The following RARB variants were observed in gnomAD, a reference collection of about 807,000 sequenced individuals.
RARB encodes the protein retinoic acid receptor beta.
In RARB, 17 loss-of-function variants were observed where a neutral mutation model predicts 51.9. The observed-to-expected ratio is 0.33, with a 90% CI of 0.22 to 0.49. The LOEUF is 0.49. RARB is among the 20% of genes least tolerant of loss of function. The probability of loss-of-function intolerance (pLI) is 0.99; values close to 1 mark genes in which losing one functional copy is unlikely to be tolerated. For missense variants in RARB, 369 were observed against 550.8 expected, an observed-to-expected ratio of 0.67 and a Z score of 3.30; for synonymous variants, 215 against 195.4, an observed-to-expected ratio of 1.10 and a Z score of -0.84.
chr3:25,575,807 A>G (rs1229080953), intron 4 of RARB, among the ~76,000 whole-genome samples: 1 of 152,252 alleles, frequency 6.6e-6, no homozygotes, highest in African/African-American at 2.4e-5. Context: ...TACTCGGGCT[A>G]GGATTTCAAC....
intron 1 of RARB, among the ~76,000 whole-genome samples, chr3:25,433,250 A>G (rs1708280269): frequency 6.6e-6 from 1 of 152,064 alleles, no homozygotes; most frequent in Non-Finnish European, 1.5e-5. Flanking sequence ...TTCCCACATA[A>G]ATCATTGAAA....
chr3:25,346,844 TG>T (rs1162981413), intron 5 of RARB, among the ~76,000 whole-genome samples: 2 of 151,926 alleles, frequency 1.3e-5, no homozygotes, highest in African/African-American at 4.8e-5. Flanking sequence ...GAGGGCCTAT[TG>T]GGGGATCTAC....
At chr3:24,896,343 T>C (rs781324746) in intron 2 of RARB, among the ~76,000 whole-genome samples, 1 of 152,158 alleles carries the variant, frequency 6.6e-6, no homozygotes, top group Non-Finnish European at 1.5e-5. Context: ...CACTGCAACC[T>C]CTGTCTTCCA....
At chr3:25,109,945 G>T (rs1699572132) in intron 3 of RARB, among the ~76,000 whole-genome samples, 1 of 152,234 alleles carries the variant, frequency 6.6e-6, no homozygotes, top group Middle Eastern at 3.4e-3. Context: ...TCATCCCTTT[G>T]CTTCCCATCT....
At chr3:25,278,927 T>C (rs1703456743) in intron 5 of RARB, among the ~76,000 whole-genome samples, 1 of 152,196 alleles carries the variant, frequency 6.6e-6, no homozygotes, top group East Asian at 1.9e-4. Context: ...TTAGTTTCTT[T>C]AGTCCCTGTA....
At chr3:25,176,474 C>T (rs1266263424) in intron 5 of RARB, among the ~76,000 whole-genome samples, 1 of 150,802 alleles carries the variant, frequency 6.6e-6, no homozygotes, top group East Asian at 1.9e-4. Context: ...TGACTCACTG[C>T]AACCTCCACC....
intron 2 of RARB, among the ~76,000 whole-genome samples, chr3:24,928,298 T>C (rs546154414): frequency 3.9e-5 from 6 of 152,076 alleles, no homozygotes; most frequent in African/African-American, 1.4e-4. Context: ...ATGCCTTTTG[T>C]ACCAAAAGTG....
intron 1 of RARB, among the ~76,000 whole-genome samples, chr3:25,453,475 G>A (rs981712300): frequency 3.3e-5 from 5 of 151,882 alleles, no homozygotes; most frequent in African/African-American, 7.3e-5. Context: ...TTGAACTCCC[G>A]ACCTCAGGTG....
chr3:25,583,245 C>G (rs912656157), intron 5 of RARB, among the ~76,000 whole-genome samples: 3 of 152,216 alleles, frequency 2.0e-5, no homozygotes, highest in African/African-American at 7.2e-5. Flanking sequence ...GTTCAAAGAG[C>G]ATATTTTGAA....
At chr3:25,579,930 A>G (rs1315656142) in intron 4 of RARB, among the ~76,000 whole-genome samples, 4 of 152,200 alleles carry the variant, frequency 2.6e-5, no homozygotes, top group African/African-American at 4.8e-5. Flanking sequence ...CTGATGGTCA[A>G]TGCTTAGAGC....
intron 2 of RARB, among the ~76,000 whole-genome samples, chr3:24,875,186 TTTC>T (rs60114043): frequency 8.6e-4 from 131 of 152,290 alleles, no homozygotes; most frequent in African/African-American, 2.9e-3. Flanking sequence ...TGGAATCATT[TTTC>T]TTCTTGAAGT....
At chr3:24,845,499 A>G (rs1702475756) in intron 1 of RARB, among the ~76,000 whole-genome samples, 2 of 152,172 alleles carry the variant, frequency 1.3e-5, no homozygotes, top group Admixed American at 6.5e-5. Context: ...AGAATCATGC[A>G]TGGGAGATTT....
intron 3 of RARB, among the ~76,000 whole-genome samples, chr3:25,096,750 A>G (rs1699299518): frequency 6.6e-6 from 1 of 152,082 alleles, no homozygotes; most frequent in South Asian, 2.1e-4. Flanking sequence ...CTGGGGGTGG[A>G]CCCTGCATAT....
intron 1 of RARB, among the ~76,000 whole-genome samples, chr3:24,855,831 A>C (rs1702626514): frequency 6.9e-6 from 1 of 145,678 alleles, no homozygotes; most frequent in Admixed American, 7.0e-5. Context: ...GGCTCACTGC[A>C]AGCTCCGCGT....
At chr3:25,547,324 T>C (rs1265056471) in intron 3 of RARB, among the ~76,000 whole-genome samples, 1 of 152,162 alleles carries the variant, frequency 6.6e-6, no homozygotes, top group Non-Finnish European at 1.5e-5. Context: ...TGTCTGTACA[T>C]GAAAACCCAA....
At chr3:25,371,072 C>T (rs1809485) in intron 5 of RARB, among the ~76,000 whole-genome samples, 64,789 of 152,028 alleles carry the variant, frequency 0.43, 14,356 homozygotes, top group East Asian at 0.77. Context: ...GACGATTTCT[C>T]CTGCAGGTCT....
At chr3:25,449,723 G>C (rs6550980) in intron 1 of RARB, among the ~76,000 whole-genome samples, 120,378 of 151,748 alleles carry the variant, frequency 0.79, 48,358 homozygotes, top group African/African-American at 0.92. Flanking sequence ...AAAAGAAATA[G>C]TAAAACTAGA....
upstream of RARB, among the ~76,000 whole-genome samples, chr3:25,425,928 A>C (rs1030971971): frequency 5.9e-5 from 9 of 152,200 alleles, no homozygotes; most frequent in African/African-American, 2.2e-4. Flanking sequence ...CTGTACACAC[A>C]TACCTGTCAG....
chr3:25,478,610 G>A (rs1205519450), intron 2 of RARB, among the ~76,000 whole-genome samples: 1 of 152,200 alleles, frequency 6.6e-6, no homozygotes, highest in Non-Finnish European at 1.5e-5. Context: ...TGCTGTGAGT[G>A]CGTTCTGGCT....
Sources: allele counts gnomAD v4.1 joint callset (sites outside exome capture counted in the v4.1 genomes callset), GRCh38; gene constraint gnomAD v4.1.1; transcripts MANE v1.5; gene names NCBI Gene and HGNC (gene_info 2026-07-23, HGNC 2026-07-21).